The following NRIP1 variants were observed in gnomAD, a reference collection of about 807,000 sequenced individuals.
NRIP1 encodes the protein nuclear receptor interacting protein 1.
A neutral mutation model predicts 75.0 loss-of-function variants in NRIP1; 28 were observed. The observed-to-expected ratio is 0.37, with a 90% confidence interval of 0.28 to 0.51. NRIP1 has a LOEUF of 0.51. Among genes scored for constraint, NRIP1 ranks in the 20% least tolerant of loss-of-function variants. The pLI is 0.92. For synonymous variants in NRIP1, 526 were observed against 487.6 expected, an observed-to-expected ratio of 1.08 and a Z score of -1.04; for missense variants, 1,435 against 1,343.7, an observed-to-expected ratio of 1.07 and a Z score of -1.06.
chr21:14,983,490 A>G (rs1341327681), intron 3 of NRIP1, among the ~76,000 whole-genome samples: 1 of 152,252 alleles, frequency 6.6e-6, no homozygotes, highest in Non-Finnish European at 1.5e-5. Context: ...GGGAAGCAGC[A>G]AATGCTGACA....
chr21:14,970,475 G>C (rs543830101), intron 3 of NRIP1, among the ~76,000 whole-genome samples: 1 of 152,306 alleles, frequency 6.6e-6, no homozygotes, highest in African/African-American at 2.4e-5. Flanking sequence ...GAACCTGGTA[G>C]GCAGAGGTTG....
intron 2 of NRIP1, among the ~76,000 whole-genome samples, chr21:15,038,848 C>T (rs1433567352): frequency 6.6e-6 from 1 of 152,036 alleles, no homozygotes; most frequent in Non-Finnish European, 1.5e-5. Context: ...CAGGTATGTC[C>T]TCCTTCTAGA....
chr21:14,968,683 T>C (rs1314698956), intron 3 of NRIP1, among the ~76,000 whole-genome samples, 157 bp from the exon 4 acceptor site: 2 of 152,220 alleles, frequency 1.3e-5, no homozygotes, highest in African/African-American at 4.8e-5. Flanking sequence ...TAATTTGTTT[T>C]ATTGCCGTTC....
Position 14,967,596 on chromosome 21 carries a change from A to G in NRIP1, c.597T>C (p.Pro199=). Residue 199 remains proline, a synonymous_variant, in exon 4 of 4, where the codon CCT becomes CCC. Coordinates refer to ENST00000318948, the MANE Select transcript of NRIP1 (RefSeq NM_003489.4). The part of the protein sequence containing the change: ...LKKSKVKDQK[P]DTNLPDVTKN... ...TAGTCACATCAGGAAGATTCGTATC[A>G]GGCTTTTGATCTTTAACTTTACTTT... is the stretch of plus-strand genomic sequence containing the variant. 1.2e-6 allele frequency: 2 copies of G among 1,614,018 alleles called. No homozygotes were observed. Among genetic ancestry groups the G allele is most frequent in the Non-Finnish European group, 1.7e-6 (2 of 1,179,988 alleles).
chr21:14,966,090 A>G lies in NRIP1; in HGVS notation c.2103T>C (p.Ser701=), dbSNP rs1441849670. 5 of 1,612,104 alleles carry G rather than the reference A, an allele frequency of 3.1e-6. No homozygotes were observed. The highest frequency in any genetic ancestry group is 3.4e-6 in the Non-Finnish European group (4 of 1,179,964). ...PTGPEPGLSG[S]EIENLLERRT... is the part of the protein sequence containing the mutation. ...GTCTTTCAAGCAGATTTTCTATTTCAGAACCAGAAAGCCCTGGTTCAGGAC... is the reference window on the plus strand; with the variant it reads ...GTCTTTCAAGCAGATTTTCTATTTCGGAACCAGAAAGCCCTGGTTCAGGAC... The change falls in exon 4 of 4, where the codon TCT becomes TCC. Residue 701 remains serine, a synonymous_variant. Transcript: ENST00000318948.
At chr21:15,023,303 G>T (rs17000680) in intron 2 of NRIP1, among the ~76,000 whole-genome samples, 2 of 152,266 alleles carry the variant, frequency 1.3e-5, no homozygotes, top group South Asian at 4.1e-4. Flanking sequence ...TAAAAACCTA[G>T]ATCTCTAATC....
At chr21:15,059,385 G>A (rs2089375607) in intron 1 of NRIP1, among the ~76,000 whole-genome samples, 1 of 152,006 alleles carries the variant, frequency 6.6e-6, no homozygotes, top group African/African-American at 2.4e-5. Context: ...TTATTTTCTG[G>A]GGAGAGTGAA....
intron 1 of NRIP1, among the ~76,000 whole-genome samples, chr21:15,062,148 T>G (rs1028768078): frequency 6.6e-6 from 1 of 152,222 alleles, no homozygotes; most frequent in Non-Finnish European, 1.5e-5. Flanking sequence ...GGAACATTAC[T>G]TCCTCCATGG....
At chr21:14,974,132 C>T (rs1369364830) in intron 3 of NRIP1, 1 of 152,028 alleles carries the variant, frequency 6.6e-6, no homozygotes, top group Non-Finnish European at 1.5e-5. Context: ...TGACACAAAA[C>T]AACTTCACTG....
Position 15,017,605 on chromosome 21 carries a change from C to A in NRIP1, c.-457-3139G>T, listed in dbSNP as rs2088267192. 2.0e-5 allele frequency among the ~76,000 whole-genome samples: 3 copies of A among 152,202 alleles called. No individual in the cohort carries two copies. In the South Asian group the frequency reaches 6.2e-4, roughly 32 times the overall value. On this transcript the variant is annotated intron_variant, in intron 2 of 3. Coordinates refer to ENST00000318948, the MANE Select transcript of NRIP1 (RefSeq NM_003489.4). ...AGATGAGGAAACTGGGTTTAAGTTA[C>A]CCCAAATCACAAAGTCAATAAGAGA...
chr21:14,998,778 A>G (rs1157928709), intron 3 of NRIP1, among the ~76,000 whole-genome samples: 1 of 152,210 alleles, frequency 6.6e-6, no homozygotes, highest in African/African-American at 2.4e-5. Context: ...AGCTAACTTT[A>G]TCATAAGAAT....
At chr21:15,038,347 A>G (rs2088879611) in intron 2 of NRIP1, among the ~76,000 whole-genome samples, 1 of 152,104 alleles carries the variant, frequency 6.6e-6, no homozygotes, top group South Asian at 2.1e-4. Flanking sequence ...ATAAAATGAA[A>G]GCCAAACTAT....
chr21:15,006,431 T>C (rs1258186238), intron 3 of NRIP1, among the ~76,000 whole-genome samples: 6 of 152,170 alleles, frequency 3.9e-5, no homozygotes, highest in African/African-American at 9.7e-5. Flanking sequence ...GTGAATAAAA[T>C]AGTCCTGGCT....
chr21:14,987,447 G>A (rs1201703196), intron 3 of NRIP1, among the ~76,000 whole-genome samples: 4 of 152,114 alleles, frequency 2.6e-5, no homozygotes, highest in African/African-American at 9.7e-5. Context: ...TCAAACATTA[G>A]AAACCTGCTG....
chr21:14,966,848 T>C lies in NRIP1; in HGVS notation c.1345A>G (p.Thr449Ala), dbSNP rs34937272. 1.3e-4 allele frequency: 203 copies of C among 1,614,170 alleles called. No homozygotes were observed. The African/African-American group carries it at 2.5e-3, about 20-fold the overall frequency. ...VPIDLSCKHR[T>A]EKSESDQPVS... ...GGTTGGTCAGATTCTGATTTTTCAG[T>C]TCGGTGTTTGCAAGACAAGTCTATG... The change falls in exon 4 of 4, where the codon ACT (threonine) becomes GCT (alanine). Residue 449 changes from threonine to alanine, a missense_variant. Thr to Ala is a moderately conservative substitution (Grantham distance 58). Transcript: ENST00000318948.
chr21:14,980,057 G>A (rs1157995128), intron 3 of NRIP1, among the ~76,000 whole-genome samples: 3 of 152,152 alleles, frequency 2.0e-5, no homozygotes, highest in Non-Finnish European at 4.4e-5. Context: ...TAACTTGTAA[G>A]TCACTGCTTC....
In NRIP1 at chr21:14,967,306, T is replaced by C. The variant is rs746661717; in HGVS notation, c.887A>G (p.Glu296Gly). ...CAATCTGGCCATAGCAGCAAGTCTT[T>C]CACTTGCTGCTTGATTTGCATTTTG... is the stretch of plus-strand genomic sequence containing the variant. The part of the protein sequence containing the change: ...KTQNANQAAS[E>G]RLAAMARLQE... Residue 296 changes from glutamate to glycine, a missense_variant, in exon 4 of 4, where the codon GAA (glutamate) becomes GGA (glycine). Coordinates refer to ENST00000318948, the MANE Select transcript of NRIP1 (RefSeq NM_003489.4). The C allele has an allele frequency of 1.2e-6, 2 of 1,614,110 alleles. No homozygotes were observed. Among genetic ancestry groups the C allele is most frequent in the East Asian group, 2.2e-5 (1 of 44,864 alleles).
intron 3 of NRIP1, among the ~76,000 whole-genome samples, chr21:14,980,349 C>T (rs2087198493): frequency 6.6e-6 from 1 of 152,020 alleles, no homozygotes; most frequent in Non-Finnish European, 1.5e-5. Flanking sequence ...TGGCATGAGC[C>T]TGTAATCCCA....
chr21:15,034,604 G>A lies in NRIP1; in HGVS notation c.-458+8891C>T, dbSNP rs2088790089. 4.6e-5 allele frequency among the ~76,000 whole-genome samples: 7 copies of A among 152,126 alleles called. No individual in the cohort carries two copies. In the South Asian group the frequency reaches 1.5e-3, roughly 32 times the overall value. On this transcript the variant is annotated intron_variant, in intron 2 of 3. Transcript: ENST00000318948. ...TAACCCAGTATTGATCTAGATATTT[G>A]CAAAAATGAAATGAAAGACAGGTTA...
Sources: allele counts gnomAD v4.1 joint callset (sites outside exome capture counted in the v4.1 genomes callset), GRCh38; gene constraint gnomAD v4.1.1; transcripts MANE v1.5; gene names NCBI Gene and HGNC (gene_info 2026-07-23, HGNC 2026-07-21).